Variants in SETX observed in about 807,000 individuals in gnomAD.
SETX encodes helicase senataxin.
SETX carries 90 observed loss-of-function variants against 227.2 expected under a neutral mutation model. That is an observed-to-expected ratio of 0.40 (90% confidence interval 0.33 to 0.47). SETX has a LOEUF of 0.47. Ranked by LOEUF, SETX falls within the 20% of genes least tolerant of loss-of-function variation. SETX has a pLI of 0.91. For synonymous variants in SETX, 1,210 were observed against 1,113.2 expected (o/e 1.09, Z -1.73); for missense variants, 3,052 against 3,181.5 (o/e 0.96, Z 0.98).
intron 10 of SETX, among the ~76,000 whole-genome samples, chr9:132,315,164 A>AC (rs1364256390): frequency 6.6e-6 from 1 of 152,050 alleles, no homozygotes; most frequent in African/African-American, 2.4e-5. Flanking sequence ...TGATCCGCCT[A>AC]CTGTGGCCTT....
At position 132,329,188 on chromosome 9, in the gene SETX, A is replaced by G; in HGVS notation, c.2410T>C (p.Leu804=). The change falls in exon 10 of 26, where the codon TTG becomes CTG. Residue 804 remains leucine, a synonymous_variant. Coordinates refer to ENST00000224140, the MANE Select transcript of SETX (RefSeq NM_015046.7). Reference sequence around the variant, plus strand: ...TCTAAATTGATAGTATTATCGACCAAAGTACTCTTCCTGTGTTGCTTCTTT... The same window carrying G: ...TCTAAATTGATAGTATTATCGACCAGAGTACTCTTCCTGTGTTGCTTCTTT... ...VIKKQHRKST[L]VDNTINLDEN... The G allele has an allele frequency of 6.2e-7, 1 of 1,613,522 alleles. No individual in the cohort carries two copies.
intron 25 of SETX, among the ~76,000 whole-genome samples, chr9:132,265,471 C>T (rs1403917379): frequency 1.3e-5 from 2 of 152,006 alleles, no homozygotes; most frequent in Admixed American, 1.3e-4. Context: ...ATGATCCGCC[C>T]GCCTCAGCTC....
At chr9:132,354,317 C>A (rs1848768713) in intron 1 of SETX, among the ~76,000 whole-genome samples, 2 of 151,990 alleles carry the variant, frequency 1.3e-5, no homozygotes, top group Non-Finnish European at 2.9e-5. Context: ...CACAGCCAGG[C>A]CCTGTCTCTG....
chr9:132,265,968 C>T (rs1842628693), intron 25 of SETX, among the ~76,000 whole-genome samples: 1 of 152,112 alleles, frequency 6.6e-6, no homozygotes, highest in South Asian at 2.1e-4. Flanking sequence ...TGCCTGTTTC[C>T]TACAGGAGCT....
chr9:132,289,865 A>G (rs534013213), intron 15 of SETX, among the ~76,000 whole-genome samples: 12 of 152,244 alleles, frequency 7.9e-5, no homozygotes, highest in African/African-American at 2.9e-4. Flanking sequence ...TTTGGTTTTA[A>G]TGTTTTTGTT....
rs1057510350 is a variant in SETX at position 132,269,669 on chromosome 9, G to A, written c.7233C>T (p.Thr2411=). 2.5e-6 allele frequency: 4 copies of A among 1,614,184 alleles called. No individual in the cohort carries two copies. The highest frequency in any genetic ancestry group is 3.4e-6 in the Non-Finnish European group (4 of 1,180,016). ...FLASLQRLNV[T]ITRAKYSLFI... ...AGAGGCTGTACTTGGCTCGTGTGATGGTGACATTCAATCTCTGCAAACTTG... is the reference window on the plus strand; with the variant it reads ...AGAGGCTGTACTTGGCTCGTGTGATAGTGACATTCAATCTCTGCAAACTTG... Residue 2411 remains threonine, a synonymous_variant, in exon 25 of 26, where the codon ACC becomes ACT. Transcript: ENST00000224140.
At chr9:132,303,113 G>A (rs1450165337) in intron 11 of SETX, among the ~76,000 whole-genome samples, 1 of 151,990 alleles carries the variant, frequency 6.6e-6, no homozygotes, top group East Asian at 1.9e-4. Context: ...GAACACTTGG[G>A]CTCAAGAAAT....
chr9:132,268,383 C>T (rs1285710198), intron 25 of SETX, among the ~76,000 whole-genome samples: 1 of 152,212 alleles, frequency 6.6e-6, no homozygotes, highest in African/African-American at 2.4e-5. Flanking sequence ...CGCCTATAGT[C>T]TCAGCTACTC....
At chr9:132,314,417 G>A (rs192309732) in intron 10 of SETX, among the ~76,000 whole-genome samples, 18 of 152,086 alleles carry the variant, frequency 1.2e-4, no homozygotes, top group African/African-American at 3.9e-4. Context: ...TAGAGACAGC[G>A]TTTCACCATG....
Position 132,311,839 on chromosome 9 carries a change from G to C in SETX, c.5292C>G (p.Leu1764=). ...AGAAATTCTCTCTATTTGGAGAGTT[G>C]AGCCATTCTTGTGCCACCTATACAA... ...NTFETVAQEW[L]NSPNRENFYQ... is the part of the protein sequence containing the mutation. The change falls in exon 11 of 26, where the codon CTC becomes CTG. Residue 1764 remains leucine (L), a synonymous_variant. Transcript: ENST00000224140. 6.2e-7 allele frequency: 1 copy of C among 1,613,094 alleles called. No homozygotes were observed. The highest frequency in any genetic ancestry group is 2.2e-5 in the East Asian group (1 of 44,824).
chr9:132,327,639 A>C lies in SETX; in HGVS notation c.3959T>G (p.Val1320Gly). The change falls in exon 10 of 26, where the codon GTT (valine) becomes GGT (glycine). Residue 1320 changes from valine to glycine, a missense_variant. Val to Gly is a moderately radical substitution (Grantham distance 109). Coordinates refer to ENST00000224140, the MANE Select transcript of SETX (RefSeq NM_015046.7). ...LRDHGKTVGV[V>G]DTRKKTKLIS... Reference sequence around the variant, plus strand: ...TAATTTAGTCTTTTTTCGGGTATCAACTACTCCAACAGTTTTGCCATGATC... The same window carrying C: ...TAATTTAGTCTTTTTTCGGGTATCACCTACTCCAACAGTTTTGCCATGATC... 2 of 1,614,012 alleles carry C rather than the reference A, an allele frequency of 1.2e-6. No individual in the cohort carries two copies. The highest frequency in any genetic ancestry group is 1.7e-6 in the Non-Finnish European group (2 of 1,179,988).
intron 5 of SETX, among the ~76,000 whole-genome samples, chr9:132,338,641 A>G (rs1847783428): frequency 6.6e-6 from 1 of 152,236 alleles, no homozygotes; most frequent in Non-Finnish European, 1.5e-5. Context: ...ATCATTAAAT[A>G]GAAAACATTC....
intron 18 of SETX, among the ~76,000 whole-genome samples, chr9:132,285,149 G>T (rs568181097): frequency 5.9e-5 from 9 of 152,008 alleles, no homozygotes; most frequent in South Asian, 2.1e-4. Flanking sequence ...AGTGCTGGGA[G>T]TACAGGCGTG....
intron 15 of SETX, among the ~76,000 whole-genome samples, chr9:132,291,838 A>G (rs1287033911): frequency 7.4e-6 from 1 of 135,804 alleles, no homozygotes; most frequent in Non-Finnish European, 1.6e-5. Flanking sequence ...ATAAAAACAT[A>G]TAAATTTCTA....
chr9:132,322,583 C>A (rs1361765305), intron 10 of SETX, among the ~76,000 whole-genome samples: 1 of 152,200 alleles, frequency 6.6e-6, no homozygotes, highest in Non-Finnish European at 1.5e-5. Flanking sequence ...ATATTCCATT[C>A]ATTGTATGAA....
intron 4 of SETX, among the ~76,000 whole-genome samples, chr9:132,343,776 G>A (rs521646): frequency 0.89 from 136,019 of 152,232 alleles, 60,891 homozygotes; most frequent in Non-Finnish European, 0.92. Flanking sequence ...AAAAACATCA[G>A]GCTTATATAC....
intron 5 of SETX, among the ~76,000 whole-genome samples, chr9:132,341,800 T>C (rs1043173974): frequency 6.6e-6 from 1 of 152,198 alleles, no homozygotes; most frequent in African/African-American, 2.4e-5. Flanking sequence ...TAATTCCTGT[T>C]GTCCTGCACA....
rs543067535 is a variant in SETX, at chr9:132,275,237, A to G, written c.7100+19T>C. The G allele has an allele frequency of 3.1e-6, 5 of 1,612,004 alleles. No individual in the cohort carries two copies. In the Admixed American group the frequency reaches 8.3e-5, roughly 27 times the overall value. On this transcript the variant is annotated intron_variant, in intron 23 of 25. Transcript: ENST00000224140. ...CTAATTCAACAAGAAAATTGGAAAT[A>G]TTTATAAAAATGCCTCACCCTTTTC...
At chr9:132,356,721 G>T (rs1487867767), upstream of SETX, among the ~76,000 whole-genome samples, 1 of 152,136 alleles carries the variant, frequency 6.6e-6, no homozygotes, top group African/African-American at 2.4e-5. Context: ...GGAACACTGC[G>T]GGAAAGGCCC....
Sources: gnomAD v4.1 joint callset for allele counts (sites outside exome capture counted in the v4.1 genomes callset) on GRCh38, gnomAD v4.1.1 for gene constraint, MANE v1.5 for transcripts, NCBI Gene and HGNC (gene_info 2026-07-23, HGNC 2026-07-21) for gene names.